The following PTPRN2 variants were observed in gnomAD, a reference collection of about 807,000 sequenced individuals.
The protein encoded by PTPRN2 is receptor-type tyrosine-protein phosphatase N2.
PTPRN2 carries 74 observed loss-of-function variants against 118.8 expected under a neutral mutation model. The ratio of observed to expected loss-of-function variants is 0.62; its 90% confidence interval spans 0.52 to 0.76. The LOEUF (loss-of-function observed/expected upper bound fraction) is 0.76. PTPRN2 is among the 30% of genes least tolerant of loss of function. The pLI is 0.00. For synonymous variants in PTPRN2, 641 were observed against 608.0 expected, an observed-to-expected ratio of 1.05 and a Z score of -0.80; for missense variants, 1,481 against 1,394.4, an observed-to-expected ratio of 1.06 and a Z score of -0.99.
chr7:157,936,406 C>T (rs778568149), intron 11 of PTPRN2, among the ~76,000 whole-genome samples: 3 of 152,202 alleles, frequency 2.0e-5, no homozygotes, highest in Non-Finnish European at 2.9e-5. Flanking sequence ...GTCCCTCACT[C>T]CACCAGGCCC....
At chr7:157,548,253 A>G (rs1798424539) in intron 22 of PTPRN2, among the ~76,000 whole-genome samples, 1 of 152,150 alleles carries the variant, frequency 6.6e-6, no homozygotes, top group Non-Finnish European at 1.5e-5. Context: ...AACAACAACA[A>G]CAAAAACCGA....
At chr7:157,979,422 A>G (rs985566067) in intron 11 of PTPRN2, among the ~76,000 whole-genome samples, 1 of 152,222 alleles carries the variant, frequency 6.6e-6, no homozygotes, top group Non-Finnish European at 1.5e-5. Flanking sequence ...CTGTGGCTGC[A>G]GCAGCAATGG....
chr7:158,387,231 G>C (rs1364531304), intron 2 of PTPRN2, among the ~76,000 whole-genome samples: 2 of 152,184 alleles, frequency 1.3e-5, no homozygotes, highest in African/African-American at 4.8e-5. Flanking sequence ...TACCACATGG[G>C]AGACCAGAAA....
At chr7:158,286,035 C>T (rs565747814) in intron 3 of PTPRN2, among the ~76,000 whole-genome samples, 13 of 152,326 alleles carry the variant, frequency 8.5e-5, no homozygotes, top group South Asian at 4.1e-4. Flanking sequence ...CAACAGCCAT[C>T]GGGAAACATG....
rs1422960587 is a variant in PTPRN2 at position 157,747,859 on chromosome 7, C to T, written c.1789-64922G>A. On this transcript the variant is annotated intron_variant, in intron 12 of 22. Coordinates refer to ENST00000389418, the MANE Select transcript of PTPRN2 (RefSeq NM_002847.5). ...TTGGGCTGTCCGGGTGATTCTGAGG[C>T]CTGCGTCCCTGAGCTGTGGGGTGTC... is the stretch of plus-strand genomic sequence containing the variant. Among the ~76,000 whole-genome samples, 2 of 142,524 alleles carry T rather than the reference C, an allele frequency of 1.4e-5. 1 individual carries two copies. Among genetic ancestry groups the T allele is most frequent in the Non-Finnish European group, 3.0e-5 (2 of 65,824 alleles). The allele number at this position is 142,524 out of a possible 152,430, so 93.5% of individuals were successfully genotyped here. A position where few individuals can be genotyped will look rare whatever the true frequency, so the allele number is the denominator to read the frequency against.
intron 11 of PTPRN2, among the ~76,000 whole-genome samples, chr7:157,978,008 C>A (rs34124915): frequency 0.01 from 1,542 of 152,058 alleles, 29 homozygotes; most frequent in East Asian, 0.027. Context: ...CTGTACGTCG[C>A]ATGCACATCT....
intron 11 of PTPRN2, among the ~76,000 whole-genome samples, chr7:157,946,075 G>A (rs1469068472): frequency 3.3e-5 from 5 of 152,142 alleles, no homozygotes; most frequent in African/African-American, 1.2e-4. Context: ...AAACTTAGAA[G>A]CTCCTGGTTT....
At chr7:158,262,305 T>TCA (rs1234424835) in intron 3 of PTPRN2, among the ~76,000 whole-genome samples, 4 of 146,660 alleles carry the variant, frequency 2.7e-5, no homozygotes, top group Non-Finnish European at 4.5e-5. Flanking sequence ...GCACACACAT[T>TCA]CACACACTGC....
In PTPRN2 at chr7:158,075,575, C is replaced by T. The variant is rs926660126; in HGVS notation, c.1723+5723G>A. Among the ~76,000 whole-genome samples, 9 of 152,334 alleles carry T rather than the reference C, an allele frequency of 5.9e-5. No homozygotes were observed. The East Asian group carries it at 7.7e-4, about 13-fold the overall frequency. ...ACTGTGCAGACCCCACCAGCACCAC[C>T]GGCCCACGCTTCCCACGCCGCGCCC... is the stretch of plus-strand genomic sequence containing the variant. On this transcript the variant is annotated intron_variant, in intron 11 of 22. Transcript: ENST00000389418.
chr7:157,891,811 C>T (rs1796827517), intron 12 of PTPRN2, among the ~76,000 whole-genome samples: 1 of 152,148 alleles, frequency 6.6e-6, no homozygotes. Context: ...TGCCTTGGAG[C>T]CCCCAGGGCT....
chr7:157,897,229 T>G (rs1243714992), intron 12 of PTPRN2, among the ~76,000 whole-genome samples: 1 of 152,112 alleles, frequency 6.6e-6, no homozygotes, highest in South Asian at 2.1e-4. Flanking sequence ...CACAGCTCCT[T>G]GTACACGCAG....
At chr7:157,975,948 C>T (rs755577099) in intron 11 of PTPRN2, among the ~76,000 whole-genome samples, 14 of 152,050 alleles carry the variant, frequency 9.2e-5, no homozygotes, top group African/African-American at 1.2e-4. Context: ...GCAGTGTGGC[C>T]GAGGTGGGGT....
At chr7:158,365,850 C>CCCACACA (rs1809428401) in intron 2 of PTPRN2, among the ~76,000 whole-genome samples, 1 of 102,500 alleles carries the variant, frequency 9.8e-6, no homozygotes, top group African/African-American at 4.4e-5. Flanking sequence ...ACACACACAC[C>CCCACACA]CACACACACA....
intron 6 of PTPRN2, among the ~76,000 whole-genome samples, chr7:158,165,273 T>C (rs1822854074): frequency 1.3e-5 from 2 of 152,018 alleles, no homozygotes; most frequent in African/African-American, 4.8e-5. Flanking sequence ...TTTCTCGGAG[T>C]AGAGCATGGC....
At chr7:158,519,051 C>T (rs1450968987) in intron 1 of PTPRN2, among the ~76,000 whole-genome samples, 1 of 152,166 alleles carries the variant, frequency 6.6e-6, no homozygotes, top group Admixed American at 6.5e-5. Flanking sequence ...CAGCAGTTTG[C>T]ACTGAGCTCC....
rs779916926 is a variant in PTPRN2, at chr7:157,953,403, G to A, written c.1724-54666C>T. ...GGAGCAGGGGCTGGCGGCACTCCCC[G>A]GGCACAGAGGGAACGGCCTGGGTGG... On this transcript the variant is annotated intron_variant, in intron 11 of 22. Transcript: ENST00000389418. This position sits in a 1 kb window ranked among gnomAD's most constrained non-coding sequence, Gnocchi z 4.6. Among the ~76,000 whole-genome samples the A allele has an allele frequency of 2.0e-5, 3 of 152,084 alleles. No individual in the cohort carries two copies. Among genetic ancestry groups the A allele is most frequent in the Non-Finnish European group, 2.9e-5 (2 of 68,008 alleles).
At chr7:158,387,633 C>T (rs1217271745) in intron 2 of PTPRN2, among the ~76,000 whole-genome samples, 1 of 1,612 alleles carries the variant, frequency 6.2e-4, no homozygotes, top group East Asian at 0.071. Flanking sequence ...GCTGTGAGGC[C>T]CTGGGAAGAC....
chr7:157,752,429 C>T (rs1410137678), intron 12 of PTPRN2, among the ~76,000 whole-genome samples: 2 of 152,224 alleles, frequency 1.3e-5, no homozygotes, highest in Non-Finnish European at 2.9e-5. Context: ...CGTCCAGTCT[C>T]CCTTCCTGGG....
In PTPRN2 at chr7:158,200,865, C is replaced by G. The variant is rs576022187; in HGVS notation, c.380+4306G>C. Among the ~76,000 whole-genome samples the G allele has an allele frequency of 2.0e-5, 3 of 152,100 alleles. No individual in the cohort carries two copies. The East Asian group carries it at 5.8e-4, about 29-fold the overall frequency. Reference sequence around the variant, plus strand: ...AGAACAAAAGCAAGTGAGAATTCATCAGTTATAGAATGATGTTAAAATTAT... The same window carrying G: ...AGAACAAAAGCAAGTGAGAATTCATGAGTTATAGAATGATGTTAAAATTAT... On this transcript the variant is annotated intron_variant, in intron 4 of 22. Coordinates refer to ENST00000389418, the MANE Select transcript of PTPRN2 (RefSeq NM_002847.5).
Sources: gnomAD v4.1 joint callset for allele counts (sites outside exome capture counted in the v4.1 genomes callset) on GRCh38, gnomAD v4.1.1 for gene constraint, Gnocchi (gnomAD v3.1) non-coding constraint, MANE v1.5 for transcripts, NCBI Gene and HGNC (gene_info 2026-07-23, HGNC 2026-07-21) for gene names.